Variants in GALNTL6 observed in about 807,000 individuals in gnomAD.
The protein encoded by GALNTL6 is polypeptide N-acetylgalactosaminyltransferase like 6, also known as polypeptide N-acetylgalactosaminyltransferase-like 6.
Under a neutral mutation model 73.7 loss-of-function variants are expected in GALNTL6, and 46 were observed. The observed-to-expected ratio is 0.62, with a 90% confidence interval of 0.49 to 0.80. GALNTL6 has a LOEUF of 0.80. GALNTL6 is among the 30% of genes least tolerant of loss of function. The pLI is 0.00. For synonymous variants in GALNTL6, 259 were observed against 263.7 expected (o/e 0.98, Z 0.17); for missense variants, 604 against 755.0 (o/e 0.80, Z 2.34).
At chr4:172,489,216 G>T (rs1177398613) in intron 5 of GALNTL6, among the ~76,000 whole-genome samples, 1 of 152,062 alleles carries the variant, frequency 6.6e-6, no homozygotes, top group Non-Finnish European at 1.5e-5. Flanking sequence ...CACTTCTATA[G>T]TATAATTCTC....
intron 5 of GALNTL6, among the ~76,000 whole-genome samples, chr4:172,455,211 C>A (rs1303146013): frequency 6.6e-6 from 1 of 152,200 alleles, no homozygotes. Flanking sequence ...GTCTTAGCAA[C>A]CCGCAGACCA....
At chr4:171,991,543 TAATA>T (rs1262321439) in intron 2 of GALNTL6, among the ~76,000 whole-genome samples, 42 of 151,790 alleles carry the variant, frequency 2.8e-4, no homozygotes, top group Non-Finnish European at 1.5e-4. Context: ...CTACCTTAAT[TAATA>T]GAGTGCAGTA....
At chr4:172,811,178 C>G (rs1260173499) in intron 6 of GALNTL6, among the ~76,000 whole-genome samples, 1 of 152,102 alleles carries the variant, frequency 6.6e-6, no homozygotes, top group Non-Finnish European at 1.5e-5. Flanking sequence ...CATTTTTCAC[C>G]TTGGGATTAT....
chr4:172,687,764 G>C (rs1733018497), intron 5 of GALNTL6, among the ~76,000 whole-genome samples: 4 of 152,116 alleles, frequency 2.6e-5, no homozygotes, highest in Non-Finnish European at 5.9e-5. Flanking sequence ...AGATTGCAGA[G>C]AATGTCAGTT....
chr4:172,061,379 T>A (rs1331228592), intron 2 of GALNTL6, among the ~76,000 whole-genome samples: 1 of 152,202 alleles, frequency 6.6e-6, no homozygotes, highest in Non-Finnish European at 1.5e-5. Context: ...CAGTAGTTCA[T>A]GTTGTATTGA....
At chr4:172,378,388 G>T (rs1362493473) in intron 5 of GALNTL6, among the ~76,000 whole-genome samples, 1 of 152,136 alleles carries the variant, frequency 6.6e-6, no homozygotes, top group Non-Finnish European at 1.5e-5. Flanking sequence ...CAGAAAGGTT[G>T]CTGGGAAGGT....
chr4:172,215,020 A>T lies in GALNTL6; in HGVS notation c.139-14636A>T, dbSNP rs137910579. Among the ~76,000 whole-genome samples, 5 of 151,970 alleles carry T rather than the reference A, an allele frequency of 3.3e-5. No individual in the cohort carries two copies. In the South Asian group the frequency reaches 1.0e-3, roughly 32 times the overall value. On this transcript the variant is annotated intron_variant, in intron 2 of 12. Transcript: ENST00000506823. ...ATTTCTCTGAGGTATTTATGGACTC[A>T]TGTACAGTATAGAAATGTGTTATAT...
At chr4:172,649,461 T>C (rs1384785210) in intron 5 of GALNTL6, among the ~76,000 whole-genome samples, 1 of 152,200 alleles carries the variant, frequency 6.6e-6, no homozygotes, top group Admixed American at 6.5e-5. Flanking sequence ...AATGAATTTT[T>C]AAAAGAAACT....
At chr4:172,997,805 CT>C (rs748218919) in intron 10 of GALNTL6, among the ~76,000 whole-genome samples, 27 of 152,280 alleles carry the variant, frequency 1.8e-4, no homozygotes, top group Admixed American at 9.1e-4. Flanking sequence ...GACTTGGTCA[CT>C]ATGCTTTATA....
intron 2 of GALNTL6, among the ~76,000 whole-genome samples, chr4:172,098,868 C>T (rs967460103): frequency 3.9e-5 from 6 of 152,040 alleles, no homozygotes; most frequent in African/African-American, 1.4e-4. Context: ...CAGGTCAGTA[C>T]TCCACCCCCA....
chr4:172,730,947 G>T (rs190857930), intron 5 of GALNTL6, among the ~76,000 whole-genome samples: 266 of 152,122 alleles, frequency 1.7e-3, no homozygotes, highest in African/African-American at 6.3e-3. Context: ...AGGCATGGTG[G>T]TATGCACCTG....
Position 171,890,478 on chromosome 4 carries a change from C to T in GALNTL6, c.138+75760C>T, listed in dbSNP as rs558246654. Among the ~76,000 whole-genome samples, 6 of 152,114 alleles carry T rather than the reference C, an allele frequency of 3.9e-5. No homozygotes were observed. The South Asian group carries it at 1.2e-3, about 32-fold the overall frequency. Reference sequence around the variant, plus strand: ...GTACTCTCTCTATATTTTAATTTCCCTATCTGTTTATAGAAAAGTTATGTC... The same window carrying T: ...GTACTCTCTCTATATTTTAATTTCCTTATCTGTTTATAGAAAAGTTATGTC... On this transcript the variant is annotated intron_variant, in intron 2 of 12. Transcript: ENST00000506823.
intron 2 of GALNTL6, among the ~76,000 whole-genome samples, chr4:171,961,363 C>T (rs1186609146): frequency 6.6e-6 from 1 of 152,008 alleles, no homozygotes; most frequent in Non-Finnish European, 1.5e-5. Flanking sequence ...CTCTCAGGGC[C>T]TCAAGAGGAG....
intron 5 of GALNTL6, among the ~76,000 whole-genome samples, chr4:172,389,812 G>A (rs76147213): frequency 5.9e-5 from 9 of 152,088 alleles, no homozygotes; most frequent in East Asian, 5.8e-4. Context: ...GTAATATATC[G>A]AATTAGTTGA....
In GALNTL6 at chr4:172,377,152, C is replaced by T. The variant is rs558713720; in HGVS notation, c.553+28463C>T. 5.9e-5 allele frequency among the ~76,000 whole-genome samples: 9 copies of T among 152,234 alleles called. No individual in the cohort carries two copies. In the South Asian group the frequency reaches 6.2e-4, roughly 11 times the overall value. ...ACATCCTGTTGATTGGTCCATTTTA[C>T]GGAGAGCTGATTGGTCCATTTTACA... On this transcript the variant is annotated intron_variant, in intron 5 of 12. Transcript: ENST00000506823.
chr4:172,946,417 G>A (rs1459719666), intron 9 of GALNTL6, among the ~76,000 whole-genome samples: 3 of 152,060 alleles, frequency 2.0e-5, no homozygotes, highest in Non-Finnish European at 2.9e-5. Flanking sequence ...AATAATTAGT[G>A]GATAGATTTA....
intron 2 of GALNTL6, among the ~76,000 whole-genome samples, chr4:171,836,316 A>G (rs1339882061): frequency 6.6e-6 from 1 of 152,018 alleles, no homozygotes; most frequent in Non-Finnish European, 1.5e-5. Flanking sequence ...TCCCTTTTTC[A>G]TCAATGTAGA....
chr4:172,742,731 A>G (rs973850654), intron 5 of GALNTL6, among the ~76,000 whole-genome samples: 3 of 152,028 alleles, frequency 2.0e-5, no homozygotes, highest in African/African-American at 7.2e-5. Context: ...ACAACAAACT[A>G]TACTGCTTAA....
intron 7 of GALNTL6, among the ~76,000 whole-genome samples, chr4:172,852,443 C>T (rs1288521442): frequency 2.6e-5 from 4 of 152,098 alleles, no homozygotes; most frequent in Admixed American, 6.6e-5. Flanking sequence ...AATTCAGTCA[C>T]GATCACAACT....
Sources: allele counts gnomAD v4.1 joint callset (sites outside exome capture counted in the v4.1 genomes callset), GRCh38; gene constraint gnomAD v4.1.1; transcripts MANE v1.5; gene names NCBI Gene and HGNC (gene_info 2026-07-23, HGNC 2026-07-21).